The following LHFPL3 variants were observed in gnomAD, a reference collection of about 807,000 sequenced individuals.
The protein encoded by LHFPL3 is LHFPL tetraspan subfamily member 3, also known as LHFPL tetraspan subfamily member 3 protein.
LHFPL3 carries 5 observed loss-of-function variants against 19.3 expected under a neutral mutation model. The observed-to-expected ratio is 0.26, with a 90% CI of 0.14 to 0.54. LHFPL3 has a LOEUF of 0.54. Ranked by LOEUF, LHFPL3 falls within the 20% of genes least tolerant of loss-of-function variation. The probability of loss-of-function intolerance (pLI) is 0.94; values close to 1 mark genes in which losing one functional copy is unlikely to be tolerated. For synonymous variants in LHFPL3, 133 were observed against 126.2 expected, an observed-to-expected ratio of 1.05 and a Z score of -0.36; for missense variants, 249 against 307.4, an observed-to-expected ratio of 0.81 and a Z score of 1.42.
intron 1 of LHFPL3, among the ~76,000 whole-genome samples, chr7:104,572,146 G>T (rs980228803): frequency 2.6e-5 from 4 of 152,184 alleles, no homozygotes; most frequent in African/African-American, 9.6e-5. Flanking sequence ...GTGTTTTCAA[G>T]TATTTTTCAC....
intron 1 of LHFPL3, among the ~76,000 whole-genome samples, chr7:104,338,047 G>C (rs1789864922): frequency 6.7e-6 from 1 of 149,750 alleles, no homozygotes; most frequent in Admixed American, 6.6e-5. Flanking sequence ...AAATACGAAT[G>C]CAAGGCATAT....
At chr7:104,738,557 G>A (rs1467217153) in intron 2 of LHFPL3, 1 of 151,962 alleles carries the variant, frequency 6.6e-6, no homozygotes, top group African/African-American at 2.4e-5. Flanking sequence ...GACATCTTTT[G>A]ACCACAAACA....
At chr7:104,793,534 A>G (rs1237135257) in intron 2 of LHFPL3, among the ~76,000 whole-genome samples, 1 of 152,224 alleles carries the variant, frequency 6.6e-6, no homozygotes, top group East Asian at 1.9e-4. Flanking sequence ...AAAAATCAAT[A>G]GCAGCCACAA....
intron 2 of LHFPL3, among the ~76,000 whole-genome samples, chr7:104,888,597 C>T (rs535137444): frequency 1.3e-5 from 2 of 152,184 alleles, no homozygotes; most frequent in African/African-American, 2.4e-5. Context: ...TACTATGTGC[C>T]AGGCATTCTG....
intron 2 of LHFPL3, among the ~76,000 whole-genome samples, chr7:104,846,119 T>TACACACACATGGGC (rs1554350690): frequency 1.9e-4 from 29 of 152,194 alleles, no homozygotes; most frequent in Admixed American, 3.9e-4. Flanking sequence ...TGTTCACACA[T>TACACACACATGGGC]ACACACACAT....
intron 2 of LHFPL3, among the ~76,000 whole-genome samples, chr7:104,880,710 C>T (rs1419893065): frequency 6.6e-6 from 1 of 151,460 alleles, no homozygotes; most frequent in African/African-American, 2.4e-5. Flanking sequence ...AATTTTCTTT[C>T]AAAATATTAC....
At chr7:104,670,810 T>C (rs1487914245) in intron 1 of LHFPL3, among the ~76,000 whole-genome samples, 1 of 151,940 alleles carries the variant, frequency 6.6e-6, no homozygotes, top group East Asian at 1.9e-4. Flanking sequence ...TCCACTGAAA[T>C]GCCACACTAA....
At chr7:104,378,764 T>G (rs1790765067) in intron 1 of LHFPL3, among the ~76,000 whole-genome samples, 1 of 152,230 alleles carries the variant, frequency 6.6e-6, no homozygotes, top group Non-Finnish European at 1.5e-5. Context: ...TTAAGCATCT[T>G]TTTAATGTAC....
At chr7:104,598,766 T>C (rs550985333) in intron 1 of LHFPL3, among the ~76,000 whole-genome samples, 4 of 152,350 alleles carry the variant, frequency 2.6e-5, no homozygotes, top group Middle Eastern at 6.8e-3. Flanking sequence ...GAAATCATTA[T>C]ACATCCACCT....
At chr7:104,867,863 C>A (rs1428461126) in intron 2 of LHFPL3, among the ~76,000 whole-genome samples, 1 of 152,138 alleles carries the variant, frequency 6.6e-6, no homozygotes, top group African/African-American at 2.4e-5. Context: ...AGCAGCACAC[C>A]AAAAAGCTTA....
In LHFPL3 at chr7:104,894,412, G is replaced by A. The variant is rs544345828; in HGVS notation, c.683-11775G>A. On this transcript the variant is annotated intron_variant, in intron 2 of 2. Transcript: ENST00000424859. ...AACAAGGATTACAGCTGATTTCTAA[G>A]CTTTTCTGGGAGATGTCCTTACCAG... Among the ~76,000 whole-genome samples the A allele has an allele frequency of 3.9e-4, 59 of 152,184 alleles. No individual in the cohort carries two copies. In the South Asian group the frequency reaches 7.9e-3, roughly 20 times the overall value.
intron 1 of LHFPL3, among the ~76,000 whole-genome samples, chr7:104,532,318 C>CTTTTTTTTTTTTTTTTTTTTTTTTGTTTT (rs71155504): frequency 6.9e-5 from 6 of 87,232 alleles, no homozygotes; most frequent in East Asian, 4.1e-4. Context: ...TTCTTTCTGT[C>CTTTTTTTTTTTTTTTTTTTTTTTTGTTTT]TTTTTTTTTT....
intron 1 of LHFPL3, among the ~76,000 whole-genome samples, chr7:104,721,604 G>A (rs983987390): frequency 1.3e-5 from 2 of 152,030 alleles, no homozygotes; most frequent in African/African-American, 4.8e-5. Context: ...CACATGCTTT[G>A]CGTGGACAAA....
chr7:104,401,998 CA>C (rs1487730950), intron 1 of LHFPL3, among the ~76,000 whole-genome samples: 2 of 150,822 alleles, frequency 1.3e-5, no homozygotes, highest in Non-Finnish European at 2.9e-5. Context: ...TAACAGTCTA[CA>C]AGCATTGAAA....
At chr7:104,832,201 A>G (rs1790966005) in intron 2 of LHFPL3, among the ~76,000 whole-genome samples, 1 of 152,016 alleles carries the variant, frequency 6.6e-6, no homozygotes, top group Admixed American at 6.5e-5. Context: ...GATGCACCGG[A>G]TAATTGTCAT....
At chr7:104,598,812 G>T (rs911038347) in intron 1 of LHFPL3, among the ~76,000 whole-genome samples, 1 of 152,024 alleles carries the variant, frequency 6.6e-6, no homozygotes, top group Non-Finnish European at 1.5e-5. Context: ...ACTTCTTCTG[G>T]TTTTCGAATC....
chr7:104,617,799 T>C (rs1045751753), intron 1 of LHFPL3, among the ~76,000 whole-genome samples: 1 of 152,190 alleles, frequency 6.6e-6, no homozygotes, highest in South Asian at 2.1e-4. Context: ...CATAGTTTGT[T>C]GAAGATAAAA....
intron 2 of LHFPL3, among the ~76,000 whole-genome samples, chr7:104,809,421 G>A (rs2116497156): frequency 6.6e-6 from 1 of 152,300 alleles, no homozygotes; most frequent in South Asian, 2.1e-4. Context: ...AGGTTGCAGT[G>A]CATTCTAAAG....
At chr7:104,878,185 A>C (rs1791984936) in intron 2 of LHFPL3, among the ~76,000 whole-genome samples, 1 of 152,174 alleles carries the variant, frequency 6.6e-6, no homozygotes, top group Admixed American at 6.5e-5. Flanking sequence ...CCAAATGTCT[A>C]TCAGATGATG....
Sources: allele counts gnomAD v4.1 joint callset (sites outside exome capture counted in the v4.1 genomes callset), GRCh38; gene constraint gnomAD v4.1.1; transcripts MANE v1.5; gene names NCBI Gene and HGNC (gene_info 2026-07-23, HGNC 2026-07-21).